Variants in CCDC66 observed in about 807,000 individuals in gnomAD.
The protein encoded by CCDC66 is coiled-coil domain-containing protein 66.
A neutral mutation model predicts 128.3 loss-of-function variants in CCDC66; 133 were observed. That is an observed-to-expected ratio of 1.04 (90% CI 0.90 to 1.20). The LOEUF (loss-of-function observed/expected upper bound fraction) is 1.20. Ranked by LOEUF, CCDC66 falls within the 50% of genes most tolerant of loss-of-function variation. The pLI is 0.00. For missense variants in CCDC66, 1,126 were observed against 1,075.5 expected, an observed-to-expected ratio of 1.05 and a Z score of -0.66; for synonymous variants, 387 against 357.0, an observed-to-expected ratio of 1.08 and a Z score of -0.95.
intron 1 of CCDC66, chr3:56,557,618 G>C (rs1438190623): frequency 7.4e-6 from 2 of 271,152 alleles, no homozygotes; most frequent in Non-Finnish European, 1.4e-5. Context: ...CATGCCCCGG[G>C]TTCTTCGCCA....
Position 56,593,978 on chromosome 3 carries a change from G to T in CCDC66, c.1354G>T (p.Ala452Ser), listed in dbSNP as rs1251123454. Residue 452 changes from alanine (A) to serine (S), a missense_variant, in exon 10 of 18, where the codon GCT becomes TCT. Transcript: ENST00000394672. Reference sequence around the variant, plus strand: ...TTCTATGACTGCTCTCTTGGACCCAGCTCAGATTGAGGAACGAGACAGACG... The same window carrying T: ...TTCTATGACTGCTCTCTTGGACCCATCTCAGATTGAGGAACGAGACAGACG... Reference protein sequence around the residue: ...LRSMTALLDPAQIEERDRRRQ... With the variant: ...LRSMTALLDPSQIEERDRRRQ... 6.2e-7 allele frequency: 1 copy of T among 1,614,186 alleles called. No homozygotes were observed. Among genetic ancestry groups the T allele is most frequent in the Non-Finnish European group, 8.5e-7 (1 of 1,180,038 alleles).
At position 56,593,483 on chromosome 3, in the gene CCDC66, A is replaced by G. The variant is rs773948866; in HGVS notation, c.1069-8A>G. Reference sequence around the variant, plus strand: ...AAATTCTTAGCAATTCTTATTTGTCATCATTAGGGTGAGGAACATGACAGA... The same window carrying G: ...AAATTCTTAGCAATTCTTATTTGTCGTCATTAGGGTGAGGAACATGACAGA... On this transcript the variant is annotated splice_region_variant and splice_polypyrimidine_tract_variant and intron_variant, in intron 8 of 17. Transcript: ENST00000394672. 3 of 1,605,862 alleles carry G rather than the reference A, an allele frequency of 1.9e-6. No homozygotes were observed. Among genetic ancestry groups the G allele is most frequent in the Non-Finnish European group, 1.7e-6 (2 of 1,174,656 alleles).
rs753621732 is a variant in CCDC66, at chr3:56,593,514, A to G, written c.1092A>G (p.Ala364=). 1.2e-6 allele frequency: 2 copies of G among 1,614,234 alleles called. No homozygotes were observed. Among genetic ancestry groups the G allele is most frequent in the Admixed American group, 3.3e-5 (2 of 60,028 alleles). Reference sequence around the variant, plus strand: ...AGGGTGAGGAACATGACAGATGGGCAATGCACTTTGATTCATTAAAGAGTT... The same window carrying G: ...AGGGTGAGGAACATGACAGATGGGCGATGCACTTTGATTCATTAAAGAGTT... ...YSKGEEHDRW[A]MHFDSLKSYP... The change falls in exon 9 of 18, where the codon GCA becomes GCG. Residue 364 remains alanine, a synonymous_variant. Transcript: ENST00000394672.
At chr3:56,563,379 A>C (rs919109303) in intron 3 of CCDC66, 17 of 154,268 alleles carry the variant, frequency 1.1e-4, no homozygotes, top group African/African-American at 6.3e-4. Context: ...GTAGTTAAAA[A>C]AATTTTTTTA....
intron 10 of CCDC66, among the ~76,000 whole-genome samples, chr3:56,595,219 C>G (rs756167468): frequency 3.3e-5 from 5 of 152,134 alleles, no homozygotes; most frequent in Non-Finnish European, 7.3e-5. Context: ...TATCTATCAC[C>G]TTGAGTATTT....
rs749704465 is a variant in CCDC66, at chr3:56,566,948, A to G, written c.711-2A>G. On this transcript the variant is annotated splice_acceptor_variant, in intron 5 of 17. Transcript: ENST00000394672. LOFTEE classifies it high-confidence loss of function. The stretch of plus-strand genomic sequence containing the variant: ...TCTGTTATCTTTTGTGTTTTACCTT[A>G]GAGAGAATGAATGGAAACCAGCTGA... 1 of 1,610,246 alleles carries G rather than the reference A, an allele frequency of 6.2e-7. No homozygotes were observed. The highest frequency in any genetic ancestry group is 8.5e-7 in the Non-Finnish European group (1 of 1,176,918).
At position 56,618,171 on chromosome 3, in the gene CCDC66, GGAA is replaced by G. The variant is rs748377218; in HGVS notation, c.2343_2345del (p.Glu782del). On this transcript the variant is annotated inframe_deletion and splice_region_variant, in exon 15 of 18. Transcript: ENST00000394672. The stretch of plus-strand genomic sequence containing the variant: ...TCTGCATTTATCTATCCATATTTTA[GGAA>G]GAAGAGCCTCTGAATATTCATTCAT... 7.5e-6 allele frequency: 12 copies of G among 1,610,140 alleles called. No individual in the cohort carries two copies. In the South Asian group the frequency reaches 9.9e-5, roughly 13 times the overall value.
intron 13 of CCDC66, 54 bp from the exon 14 acceptor site, chr3:56,617,058 A>T: frequency 7.6e-7 from 1 of 1,314,092 alleles, no homozygotes; most frequent in Non-Finnish European, 1.0e-6. Flanking sequence ...AAAATTATTT[A>T]ATATTGAAAA....
chr3:56,557,190 C>A lies in CCDC66; in HGVS notation c.-53C>A. 1 of 1,551,102 alleles carries A rather than the reference C, an allele frequency of 6.4e-7. No homozygotes were observed. The highest frequency in any genetic ancestry group is 8.7e-7 in the Non-Finnish European group (1 of 1,146,858). ...AGCGCTTGCTGAGCGGCGGCGGCAA[C>A]CGACGTACACAAGGGGCTTGAGCGT... On this transcript the variant is annotated 5_prime_UTR_variant, in exon 1 of 18. Coordinates refer to ENST00000394672, the MANE Select transcript of CCDC66 (RefSeq NM_001141947.3).
At chr3:56,571,468 C>T (rs1415175578) in intron 7 of CCDC66, 166 bp downstream of exon 7, 2 of 442,136 alleles carry the variant, frequency 4.5e-6, no homozygotes, top group Non-Finnish European at 4.0e-6. Flanking sequence ...TGCAACCTAC[C>T]CCTCCCAGGC....
chr3:56,614,641 T>C (rs1436789888), intron 11 of CCDC66, among the ~76,000 whole-genome samples: 1 of 152,224 alleles, frequency 6.6e-6, no homozygotes, highest in Admixed American at 6.5e-5. Flanking sequence ...TAGAGCACTT[T>C]AAACATTTTC....
At chr3:56,582,848 C>G (rs9883641) in intron 7 of CCDC66, among the ~76,000 whole-genome samples, 46,944 of 132,712 alleles carry the variant, frequency 0.35, 8,304 homozygotes, top group East Asian at 0.64. Context: ...TCTCAACTTT[C>G]TTTATTATTA....
At chr3:56,618,117 G>A (rs2075750045) in intron 14 of CCDC66, 55 bp from the exon 15 acceptor site, 1 of 1,328,630 alleles carries the variant, frequency 7.5e-7, no homozygotes, top group African/African-American at 1.5e-5. Flanking sequence ...AATATTTGTG[G>A]GGACATGTGA....
At chr3:56,596,921 ATTT>A (rs34101943) in intron 10 of CCDC66, among the ~76,000 whole-genome samples, 3 of 132,300 alleles carry the variant, frequency 2.3e-5, no homozygotes, top group East Asian at 2.2e-4. Context: ...CACCTGGCTA[ATTT>A]TTTTTTTTTT....
chr3:56,602,182 A>G (rs1046591748), intron 10 of CCDC66, among the ~76,000 whole-genome samples: 1 of 151,940 alleles, frequency 6.6e-6, no homozygotes, highest in Non-Finnish European at 1.5e-5. Flanking sequence ...GCATGAAGGG[A>G]TGTTGAATTT....
intron 17 of CCDC66, chr3:56,620,179 G>A (rs571437058): frequency 4.5e-5 from 9 of 199,664 alleles, no homozygotes; most frequent in Admixed American, 1.2e-4. Context: ...ACATTGGAAC[G>A]GCAAAACATC....
chr3:56,571,368 A>AG, intron 7 of CCDC66, 66 bp downstream of exon 7: 1 of 1,168,116 alleles, frequency 8.6e-7, no homozygotes, highest in Non-Finnish European at 1.2e-6. Flanking sequence ...TTTATTTTTA[A>AG]AGCTTATTAA....
In CCDC66 at chr3:56,609,054, G is replaced by A. The variant is rs532143268; in HGVS notation, c.1405-4535G>A. Among the ~76,000 whole-genome samples, 7 of 152,222 alleles carry A rather than the reference G, an allele frequency of 4.6e-5. No individual in the cohort carries two copies. The South Asian group carries it at 6.2e-4, about 14-fold the overall frequency. Reference sequence around the variant, plus strand: ...TAGTCTATTTTGGAGAAAGTTCCACGTGCTTTTGAATAGAATGTGTATTCT... The same window carrying A: ...TAGTCTATTTTGGAGAAAGTTCCACATGCTTTTGAATAGAATGTGTATTCT... On this transcript the variant is annotated intron_variant, in intron 10 of 17. Transcript: ENST00000394672.
intron 11 of CCDC66, among the ~76,000 whole-genome samples, chr3:56,614,355 AT>A (rs1324370508): frequency 6.6e-6 from 1 of 152,214 alleles, no homozygotes; most frequent in Admixed American, 6.5e-5. Flanking sequence ...TTTCTAAGCA[AT>A]AATTATTATA....
Sources: gnomAD v4.1 joint callset for allele counts (sites outside exome capture counted in the v4.1 genomes callset) on GRCh38, gnomAD v4.1.1 for gene constraint, MANE v1.5 for transcripts, NCBI Gene and HGNC (gene_info 2026-07-23, HGNC 2026-07-21) for gene names.